Variants in RILPL2 observed in about 807,000 individuals in gnomAD.
RILPL2 encodes the protein Rab interacting lysosomal protein like 2, also known as RILP-like protein 2.
RILPL2 carries 19 observed loss-of-function variants against 22.2 expected under a neutral mutation model. That is an observed-to-expected ratio of 0.86 (90% CI 0.60 to 1.25). The LOEUF (loss-of-function observed/expected upper bound fraction) is 1.25. RILPL2 is among the 50% of genes most tolerant of loss of function. The pLI, the probability that RILPL2 is intolerant of heterozygous loss-of-function variation, is 0.00. For synonymous variants in RILPL2, 123 were observed against 111.6 expected (o/e 1.10, Z -0.64); for missense variants, 243 against 263.6 (o/e 0.92, Z 0.54).
In RILPL2 at chr12:123,423,401, G is replaced by A. The variant is rs560212799; in HGVS notation, c.492-244C>T. Among the ~76,000 whole-genome samples, 9 of 151,426 alleles carry A rather than the reference G, an allele frequency of 5.9e-5. No individual in the cohort carries two copies. In the East Asian group the frequency reaches 7.8e-4, roughly 13 times the overall value. On this transcript the variant is annotated intron_variant, in intron 2 of 3. Transcript: ENST00000280571. Reference sequence around the variant, plus strand: ...ATTTTTAGTAGAGATGGGCTTCACCGTGTTGCCCAGGCTGGTCTCAAACTC... The same window carrying A: ...ATTTTTAGTAGAGATGGGCTTCACCATGTTGCCCAGGCTGGTCTCAAACTC...
At chr12:123,430,999 T>C (rs910427526) in intron 1 of RILPL2, among the ~76,000 whole-genome samples, 1 of 152,054 alleles carries the variant, frequency 6.6e-6, no homozygotes, top group Non-Finnish European at 1.5e-5. Context: ...GCGCCCGGCC[T>C]ACGCCTGGCT....
chr12:123,411,718 G>GTTTCT (rs1323771253), downstream of RILPL2: 2 of 151,648 alleles, frequency 1.3e-5, no homozygotes, highest in African/African-American at 4.8e-5. Flanking sequence ...TAGAGACAGG[G>GTTTCT]TTTCACCTTC....
intron 2 of RILPL2, among the ~76,000 whole-genome samples, 187 bp downstream of exon 2, chr12:123,430,321 A>G (rs1879597212): frequency 6.6e-6 from 1 of 151,942 alleles, no homozygotes; most frequent in East Asian, 1.9e-4. Flanking sequence ...AGGCAGGAGA[A>G]TGGCGTGAAC....
In RILPL2 at chr12:123,430,184, C is replaced by T. The variant is rs543405357; in HGVS notation, c.491+324G>A. 7.3e-5 allele frequency among the ~76,000 whole-genome samples: 10 copies of T among 136,290 alleles called. No individual in the cohort carries two copies. The East Asian group carries it at 1.3e-3, about 18-fold the overall frequency. The allele number at this position is 136,290 out of a possible 152,430, so 89.4% of individuals were successfully genotyped here. On this transcript the variant is annotated intron_variant, in intron 2 of 3. Transcript: ENST00000280571. ...CGGCACTTTGGGAGGCCAAGGTGGG[C>T]AGATCAGGAGGTCAGGAGATCGAGA... is the stretch of plus-strand genomic sequence containing the variant.
In RILPL2 at chr12:123,436,110, C is replaced by T. The variant is rs866346497; in HGVS notation, c.311G>A (p.Arg104Gln). 2.5e-6 allele frequency: 4 copies of T among 1,584,826 alleles called. No individual in the cohort carries two copies. Among genetic ancestry groups the T allele is most frequent in the Non-Finnish European group, 2.6e-6 (3 of 1,166,076 alleles). The stretch of plus-strand genomic sequence containing the variant: ...CCCGCTGGCCGGAGGGCTCTGTCTC[C>T]GCAGCCCCTCCACCTCCTTCCTGAG... ...DHLRKEVEGL[R>Q]RQSPPASGEV... The change falls in exon 1 of 4, where the codon CGG (arginine) becomes CAG (glutamine). Residue 104 changes from arginine (R) to glutamine (Q), a missense_variant. Transcript: ENST00000280571. This position sits in a 1 kb window ranked among gnomAD's most constrained non-coding sequence, Gnocchi z 6.7.
chr12:123,417,734 C>T (rs565697859), intron 3 of RILPL2, among the ~76,000 whole-genome samples: 20 of 152,232 alleles, frequency 1.3e-4, no homozygotes, highest in African/African-American at 2.6e-4. Context: ...TACAGGCATG[C>T]GCCACCACGC....
In RILPL2 at chr12:123,430,527, C is replaced by A; in HGVS notation, c.472G>T (p.Glu158Ter). ...LKSQLLVVQE[E>*]LQCYKSGLIP... Reference sequence around the variant, plus strand: ...GCCCACCTCTTGTAGCACTGCAGCTCTTCCTGCACCACCAGGAGCTGCGAC... The same window carrying A: ...GCCCACCTCTTGTAGCACTGCAGCTATTCCTGCACCACCAGGAGCTGCGAC... The change falls in exon 2 of 4, where the codon GAG becomes TAG. Residue 158 changes from glutamate to a stop codon, truncating the protein, a stop_gained. Coordinates refer to ENST00000280571, the MANE Select transcript of RILPL2 (RefSeq NM_145058.3). LOFTEE classifies it high-confidence loss of function. 6.2e-7 allele frequency: 1 copy of A among 1,607,192 alleles called. No homozygotes were observed. The highest frequency in any genetic ancestry group is 8.5e-7 in the Non-Finnish European group (1 of 1,175,934).
At position 123,430,492 on chromosome 12, in the gene RILPL2, A is replaced by C. The variant is rs764683107; in HGVS notation, c.491+16T>G. 3.8e-6 allele frequency: 6 copies of C among 1,598,010 alleles called. No homozygotes were observed. In the African/African-American group the frequency reaches 8.1e-5, roughly 22 times the overall value. ...GCCAGGTCTGGGTGCAGGACCCTCC[A>C]GGCAGTGGAGCCCACCTCTTGTAGC... On this transcript the variant is annotated intron_variant, in intron 2 of 3. Coordinates refer to ENST00000280571, the MANE Select transcript of RILPL2 (RefSeq NM_145058.3).
At chr12:123,429,085 G>A (rs1040976670) in intron 2 of RILPL2, among the ~76,000 whole-genome samples, 1 of 152,026 alleles carries the variant, frequency 6.6e-6, no homozygotes, top group Non-Finnish European at 1.5e-5. Flanking sequence ...CTTTTTTATA[G>A]CCTCTCTTGC....
intron 2 of RILPL2, among the ~76,000 whole-genome samples, chr12:123,424,613 G>A (rs1879385668): frequency 6.6e-6 from 1 of 152,238 alleles, no homozygotes; most frequent in East Asian, 1.9e-4. Context: ...TTACAGGCAT[G>A]AGCCACCACA....
At position 123,425,903 on chromosome 12, in the gene RILPL2, C is replaced by T. The variant is rs151304083; in HGVS notation, c.492-2746G>A. Among the ~76,000 whole-genome samples, 919 of 152,128 alleles carry T rather than the reference C, an allele frequency of 6.0e-3. 13 individuals are homozygous for T. Among genetic ancestry groups the T allele is most frequent in the African/African-American group, 0.021 (877 of 41,510 alleles). ...CTGACCTCAGGCAATCTGCCTGCCT[C>T]GGCCTCCCAAAGTGCTGGGATTACA... On this transcript the variant is annotated intron_variant, in intron 2 of 3. Coordinates refer to ENST00000280571, the MANE Select transcript of RILPL2 (RefSeq NM_145058.3).
chr12:123,418,852 C>G (rs1473277690), intron 3 of RILPL2, among the ~76,000 whole-genome samples: 2 of 150,128 alleles, frequency 1.3e-5, no homozygotes, highest in African/African-American at 4.9e-5. Context: ...CCTCTGCCTC[C>G]CGGGTTCAAG....
chr12:123,431,040 C>T (rs555423296), intron 1 of RILPL2, among the ~76,000 whole-genome samples: 36 of 152,236 alleles, frequency 2.4e-4, no homozygotes, highest in South Asian at 1.7e-3. Context: ...GATGGAGTTT[C>T]GCCATGTTGT....
intron 1 of RILPL2, among the ~76,000 whole-genome samples, chr12:123,433,104 C>CT (rs372639257): frequency 0.24 from 32,144 of 134,212 alleles, 4,518 homozygotes; most frequent in Non-Finnish European, 0.31. Context: ...GGTTTGTATA[C>CT]TTTTTTTTTT....
Position 123,423,150 on chromosome 12 carries a change from T to G in RILPL2, c.499A>C (p.Ile167Leu), listed in dbSNP as rs748987140. The G allele has an allele frequency of 1.7e-5, 27 of 1,603,326 alleles. No individual in the cohort carries two copies. The highest frequency in any genetic ancestry group is 1.3e-5 in the Non-Finnish European group (15 of 1,172,264). Residue 167 changes from isoleucine to leucine, a missense_variant, in exon 3 of 4, where the codon ATT becomes CTT. Coordinates refer to ENST00000280571, the MANE Select transcript of RILPL2 (RefSeq NM_145058.3). ...EELQCYKSGL[I>L]PPREGPGGRR... Reference sequence around the variant, plus strand: ...CCTCCTGGGCCTTCTCTTGGTGGAATCAGGCCACTGGGAAACGGGACAAAA... The same window carrying G: ...CCTCCTGGGCCTTCTCTTGGTGGAAGCAGGCCACTGGGAAACGGGACAAAA...
intron 2 of RILPL2, among the ~76,000 whole-genome samples, chr12:123,428,250 C>T (rs1022417569): frequency 6.6e-6 from 1 of 152,176 alleles, no homozygotes. Flanking sequence ...CATTCTCCTG[C>T]CTCAGCCTCC....
chr12:123,409,572 A>G, the RILPL2 span, among the ~76,000 whole-genome samples: 39 of 145,670 alleles, frequency 2.7e-4, no homozygotes, highest in Non-Finnish European at 4.9e-4. Context: ...TTTTTGAGAC[A>G]GTCTCTGTTA....
intron 2 of RILPL2, among the ~76,000 whole-genome samples, chr12:123,424,094 T>A (rs974858316): frequency 1.3e-5 from 2 of 152,118 alleles, no homozygotes; most frequent in African/African-American, 4.8e-5. Context: ...AGTACCTACC[T>A]CAAAGGATTG....
In RILPL2 at chr12:123,415,739, G is replaced by A; in HGVS notation, c.*152C>T. On this transcript the variant is annotated 3_prime_UTR_variant, in exon 4 of 4. Transcript: ENST00000280571. The stretch of plus-strand genomic sequence containing the variant: ...AGCCAGGGAGAAAGTGATGCCAAGA[G>A]AACCTCGTCTCCTCCCTCCTCAGTC... 1 of 787,986 alleles carries A rather than the reference G, an allele frequency of 1.3e-6. No homozygotes were observed. The highest frequency in any genetic ancestry group is 1.5e-5 in the South Asian group (1 of 65,956). The allele number at this position is 787,986 out of a possible 1,614,324, so 48.8% of individuals were successfully genotyped here.
Sources: gnomAD v4.1 joint callset for allele counts (sites outside exome capture counted in the v4.1 genomes callset) on GRCh38, gnomAD v4.1.1 for gene constraint, Gnocchi (gnomAD v3.1) non-coding constraint, MANE v1.5 for transcripts, NCBI Gene and HGNC (gene_info 2026-07-23, HGNC 2026-07-21) for gene names.